SH3RF3: variants seen among roughly 807,000 people sequenced by gnomAD.
The protein encoded by SH3RF3 is E3 ubiquitin-protein ligase SH3RF3.
SH3RF3 carries 29 observed loss-of-function variants against 66.3 expected under a neutral mutation model. The observed-to-expected ratio is 0.44, with a 90% CI of 0.33 to 0.60. The LOEUF is 0.60. SH3RF3 is among the 20% of genes least tolerant of loss of function. The pLI is 0.04. For synonymous variants in SH3RF3, 583 were observed against 532.0 expected (o/e 1.10, Z -1.32); for missense variants, 1,194 against 1,190.9 (o/e 1.00, Z -0.04).
chr2:109,139,771 A>G (rs560305441), intron 1 of SH3RF3, among the ~76,000 whole-genome samples: 2 of 152,332 alleles, frequency 1.3e-5, no homozygotes, highest in Admixed American at 1.3e-4. Context: ...CAGCCCATTG[A>G]ACAATGGAGT....
intron 6 of SH3RF3, 113 bp from the exon 7 acceptor site, chr2:109,436,780 G>A: frequency 6.9e-7 from 1 of 1,452,362 alleles, no homozygotes; most frequent in East Asian, 2.5e-5. Flanking sequence ...CCCCAGATCA[G>A]TTGGCCTTCA....
intron 1 of SH3RF3, among the ~76,000 whole-genome samples, chr2:109,293,644 G>C (rs1559006253): frequency 1.3e-5 from 2 of 152,238 alleles, no homozygotes; most frequent in African/African-American, 2.4e-5. Flanking sequence ...ATTTGTCTTT[G>C]GGCAGGGCCC....
intron 1 of SH3RF3, among the ~76,000 whole-genome samples, chr2:109,201,183 A>G (rs1423807664): frequency 6.6e-6 from 1 of 152,232 alleles, no homozygotes; most frequent in Non-Finnish European, 1.5e-5. Context: ...CATGGCTGCA[A>G]GATGCACGGT....
chr2:109,180,714 A>G (rs1342404315), intron 1 of SH3RF3, among the ~76,000 whole-genome samples: 2 of 151,998 alleles, frequency 1.3e-5, no homozygotes, highest in Non-Finnish European at 2.9e-5. Flanking sequence ...TCCTTCCACC[A>G]CCATTGTGAG....
At chr2:109,143,809 TACACAC>T (rs33913705) in intron 1 of SH3RF3, among the ~76,000 whole-genome samples, 93 of 148,824 alleles carry the variant, frequency 6.2e-4, no homozygotes, top group East Asian at 6.1e-3. Flanking sequence ...CTGTGCTGTA[TACACAC>T]ACACACACAC....
At chr2:109,344,112 G>A (rs991729682) in intron 1 of SH3RF3, among the ~76,000 whole-genome samples, 6 of 152,292 alleles carry the variant, frequency 3.9e-5, no homozygotes, top group Admixed American at 2.6e-4. Context: ...TAACCTGAGT[G>A]CCTTTGAATT....
At chr2:109,250,507 A>G (rs1680062704) in intron 1 of SH3RF3, among the ~76,000 whole-genome samples, 1 of 151,932 alleles carries the variant, frequency 6.6e-6, no homozygotes, top group South Asian at 2.1e-4. Flanking sequence ...AAATGGAATA[A>G]TAATGGACTG....
intron 1 of SH3RF3, among the ~76,000 whole-genome samples, chr2:109,249,482 T>C (rs968911753): frequency 1.0e-4 from 2 of 19,872 alleles, no homozygotes; most frequent in Non-Finnish European, 1.5e-4. Flanking sequence ...TCTTTCTTTC[T>C]TTCTTTCTTT....
At chr2:109,209,900 C>A (rs755608923) in intron 1 of SH3RF3, among the ~76,000 whole-genome samples, 3 of 152,124 alleles carry the variant, frequency 2.0e-5, no homozygotes, top group Non-Finnish European at 4.4e-5. Flanking sequence ...GTACGTCCCC[C>A]CTGTTTTGTA....
intron 3 of SH3RF3, among the ~76,000 whole-genome samples, chr2:109,385,443 G>A (rs7602761): frequency 0.42 from 64,625 of 152,118 alleles, 14,697 homozygotes; most frequent in Middle Eastern, 0.55. Flanking sequence ...GTAGCAGCGT[G>A]TTGTTTTTGA....
At chr2:109,335,749 G>T (rs1278997409) in intron 1 of SH3RF3, among the ~76,000 whole-genome samples, 1 of 152,114 alleles carries the variant, frequency 6.6e-6, no homozygotes, top group African/African-American at 2.4e-5. Flanking sequence ...ACAAGTAACG[G>T]GCACTCATTC....
intron 1 of SH3RF3, among the ~76,000 whole-genome samples, chr2:109,170,085 A>C (rs1273703494): frequency 6.6e-6 from 1 of 152,206 alleles, no homozygotes; most frequent in Non-Finnish European, 1.5e-5. Context: ...CTTTGCCAGA[A>C]ACTATAATCT....
At chr2:109,296,917 TG>T (rs1333809127) in intron 1 of SH3RF3, among the ~76,000 whole-genome samples, 1 of 152,138 alleles carries the variant, frequency 6.6e-6, no homozygotes, top group Non-Finnish European at 1.5e-5. Flanking sequence ...GAGTGTGGAT[TG>T]GGCTGCAGTG....
chr2:109,465,867 G>T (rs1246139433), intron 8 of SH3RF3, among the ~76,000 whole-genome samples: 10 of 152,108 alleles, frequency 6.6e-5, no homozygotes, highest in Non-Finnish European at 1.5e-5. Flanking sequence ...GCACCAAGGA[G>T]ACGGTGTTAA....
chr2:109,380,668 G>A (rs951899935), intron 3 of SH3RF3, among the ~76,000 whole-genome samples: 1 of 152,196 alleles, frequency 6.6e-6, no homozygotes, highest in African/African-American at 2.4e-5. Context: ...TGGGGCCACA[G>A]CCCACCTTAA....
chr2:109,468,314 A>G (rs1365941437), intron 8 of SH3RF3, among the ~76,000 whole-genome samples: 1 of 152,194 alleles, frequency 6.6e-6, no homozygotes, highest in Non-Finnish European at 1.5e-5. Flanking sequence ...GTCTAAATAT[A>G]GCTAAACATA....
intron 1 of SH3RF3, among the ~76,000 whole-genome samples, chr2:109,332,684 CA>C (rs1288118982): frequency 6.6e-6 from 1 of 152,178 alleles, no homozygotes; most frequent in African/African-American, 2.4e-5. Flanking sequence ...GGCGATGAGT[CA>C]CCCTTCTGAG....
intron 2 of SH3RF3, among the ~76,000 whole-genome samples, chr2:109,359,686 T>C (rs1683016438): frequency 6.6e-6 from 1 of 152,176 alleles, no homozygotes; most frequent in Admixed American, 6.5e-5. Flanking sequence ...ACCAACATGA[T>C]GCTGCAAGTG....
chr2:109,479,841 G>A lies in SH3RF3; in HGVS notation c.2149-10764G>A, dbSNP rs181478652. Among the ~76,000 whole-genome samples the A allele has an allele frequency of 8.5e-5, 13 of 152,164 alleles. No individual in the cohort carries two copies. The East Asian group carries it at 2.1e-3, about 25-fold the overall frequency. ...TCCACAGACCACTGATGAAGACCCC[G>A]GGACTCACTGCCCTCAGAGCCTTCA... On this transcript the variant is annotated intron_variant, in intron 8 of 9. Transcript: ENST00000309415.
Sources: gnomAD v4.1 joint callset for allele counts (sites outside exome capture counted in the v4.1 genomes callset) on GRCh38, gnomAD v4.1.1 for gene constraint, MANE v1.5 for transcripts, NCBI Gene and HGNC (gene_info 2026-07-23, HGNC 2026-07-21) for gene names.